Variants in ABCG2 observed in about 807,000 individuals in gnomAD.
The protein encoded by ABCG2 is ATP binding cassette subfamily G member 2 (JR blood group).
ABCG2 carries 80 observed loss-of-function variants against 73.5 expected under a neutral mutation model. That is an observed-to-expected ratio of 1.09 (90% confidence interval 0.91 to 1.31). ABCG2 has a LOEUF of 1.31. ABCG2 is among the 50% of genes most tolerant of loss of function. ABCG2 has a pLI of 0.00. For missense variants in ABCG2, 796 were observed against 786.2 expected, an observed-to-expected ratio of 1.01 and a Z score of -0.15; for synonymous variants, 269 against 282.4, an observed-to-expected ratio of 0.95 and a Z score of 0.48.
At chr4:88,106,903 G>A (rs1259402062) in intron 10 of ABCG2, among the ~76,000 whole-genome samples, 3 of 152,134 alleles carry the variant, frequency 2.0e-5, no homozygotes, top group South Asian at 2.1e-4. Context: ...TTAGCTGGGC[G>A]TGGTGGTGGA....
upstream of ABCG2, among the ~76,000 whole-genome samples, chr4:88,163,380 T>A (rs1441333380): frequency 6.6e-6 from 1 of 152,108 alleles, no homozygotes; most frequent in African/African-American, 2.4e-5. Flanking sequence ...TCAGAGAAAA[T>A]ATTCATTTGG....
intron 1 of ABCG2, among the ~76,000 whole-genome samples, chr4:88,207,699 T>A (rs1729433420): frequency 6.6e-6 from 1 of 152,020 alleles, no homozygotes; most frequent in Admixed American, 6.6e-5. Flanking sequence ...CATGCCCCAG[T>A]ATACCTGGCT....
At chr4:88,225,416 T>C (rs938219251) in intron 1 of ABCG2, among the ~76,000 whole-genome samples, 2 of 152,130 alleles carry the variant, frequency 1.3e-5, no homozygotes, top group African/African-American at 4.8e-5. Flanking sequence ...AGGAAGGCAA[T>C]GTGATAAGAA....
intron 10 of ABCG2, among the ~76,000 whole-genome samples, chr4:88,103,697 G>A (rs755521013): frequency 3.9e-5 from 6 of 152,142 alleles, no homozygotes; most frequent in Admixed American, 2.0e-4. Context: ...CTGAGGTTTT[G>A]TACCCTTTGA....
At position 88,132,655 on chromosome 4, in the gene ABCG2, C is replaced by A. The variant is rs775066870; in HGVS notation, c.204-20G>T. On this transcript the variant is annotated intron_variant, in intron 2 of 15. Transcript: ENST00000237612. ...ATCCCACTGTAAACACAAAAACAGACTGATTTACTATTCCATTTTAAGTCA... is the reference window on the plus strand; with the variant it reads ...ATCCCACTGTAAACACAAAAACAGAATGATTTACTATTCCATTTTAAGTCA... 6.2e-7 allele frequency: 1 copy of A among 1,613,770 alleles called. No homozygotes were observed. The highest frequency in any genetic ancestry group is 2.2e-5 in the East Asian group (1 of 44,882).
chr4:88,219,114 CG>C (rs1255337803), intron 1 of ABCG2, among the ~76,000 whole-genome samples: 3 of 152,198 alleles, frequency 2.0e-5, no homozygotes, highest in African/African-American at 7.2e-5. Context: ...TCCACTATCA[CG>C]GCTAATACTG....
intron 15 of ABCG2, among the ~76,000 whole-genome samples, chr4:88,093,049 C>A (rs2110167778): frequency 6.6e-6 from 1 of 152,268 alleles, no homozygotes; most frequent in African/African-American, 2.4e-5. Flanking sequence ...CCTTAAGTGG[C>A]AGCTAGAGTA....
At chr4:88,165,641 C>T (rs771892400) in intron 1 of ABCG2, among the ~76,000 whole-genome samples, 23 of 152,268 alleles carry the variant, frequency 1.5e-4, no homozygotes, top group South Asian at 1.2e-3. Flanking sequence ...TTTGGGAGGC[C>T]GAGGCGGGTG....
chr4:88,215,452 T>G (rs1433976318), intron 1 of ABCG2, among the ~76,000 whole-genome samples: 1 of 152,236 alleles, frequency 6.6e-6, no homozygotes, highest in Non-Finnish European at 1.5e-5. Flanking sequence ...AGCCATTTAC[T>G]AACTTGACTC....
chr4:88,194,548 T>TTA (rs1560749483), intron 1 of ABCG2, among the ~76,000 whole-genome samples: 2 of 16,278 alleles, frequency 1.2e-4, no homozygotes, highest in Non-Finnish European at 2.2e-4. Flanking sequence ...AGACTCCGTC[T>TTA]CAAAAAAAAA....
At chr4:88,127,316 A>C (rs28809845) in intron 5 of ABCG2, among the ~76,000 whole-genome samples, 127 of 152,358 alleles carry the variant, frequency 8.3e-4, no homozygotes, top group Non-Finnish European at 1.5e-3. Flanking sequence ...GATAGGAAGA[A>C]TCAATATCAT....
chr4:88,158,372 T>C lies in ABCG2; in HGVS notation c.-20+14A>G, dbSNP rs1040351228. On this transcript the variant is annotated intron_variant, in intron 1 of 15. Transcript: ENST00000237612. ...CACACACTCTCAGCGAAACTGGTTTTACAATTTACTCACTCAGCTTAATAG... is the reference window on the plus strand; with the variant it reads ...CACACACTCTCAGCGAAACTGGTTTCACAATTTACTCACTCAGCTTAATAG... 1.1e-4 allele frequency: 42 copies of C among 370,514 alleles called. No homozygotes were observed. The highest frequency in any genetic ancestry group is 8.3e-4 in the South Asian group (42 of 50,384). 23.0% of individuals were successfully genotyped at this position (370,514 alleles called of 1,614,324 possible).
chr4:88,226,182 T>C (rs779645455), intron 1 of ABCG2, among the ~76,000 whole-genome samples: 1 of 152,228 alleles, frequency 6.6e-6, no homozygotes, highest in Non-Finnish European at 1.5e-5. Context: ...TCTTCCTACC[T>C]GGCATCTATG....
At chr4:88,177,734 A>T (rs1015673685) in intron 1 of ABCG2, among the ~76,000 whole-genome samples, 2 of 152,160 alleles carry the variant, frequency 1.3e-5, no homozygotes, top group Non-Finnish European at 2.9e-5. Flanking sequence ...GGCAGTGGCC[A>T]CATACCATGG....
At chr4:88,194,254 A>G (rs991094843) in intron 1 of ABCG2, among the ~76,000 whole-genome samples, 6 of 152,022 alleles carry the variant, frequency 3.9e-5, no homozygotes, top group Non-Finnish European at 5.9e-5. Flanking sequence ...AACAAGACAG[A>G]AGGAGTGTGG....
Position 88,090,656 on chromosome 4 carries a change from A to G in ABCG2, c.*1578T>C, listed in dbSNP as rs1474083837. 1 of 152,218 alleles carries G rather than the reference A, an allele frequency of 6.6e-6. No individual in the cohort carries two copies. The highest frequency in any genetic ancestry group is 1.9e-4 in the East Asian group (1 of 5,204). 9.4% of individuals were successfully genotyped at this position (152,218 alleles called of 1,614,324 possible). On this transcript the variant is annotated 3_prime_UTR_variant, in exon 16 of 16. Coordinates refer to ENST00000237612, the MANE Select transcript of ABCG2 (RefSeq NM_004827.3). The stretch of plus-strand genomic sequence containing the variant: ...ATGACCAGTGTCAGGGCGTCTATAC[A>G]CCATGATGCCCCAGCTCAGTTAACT...
At chr4:88,191,129 C>T (rs937923306) in intron 1 of ABCG2, among the ~76,000 whole-genome samples, 1 of 150,378 alleles carries the variant, frequency 6.6e-6, no homozygotes, top group Non-Finnish European at 1.5e-5. Flanking sequence ...CCTGTAGTCC[C>T]AGCTATTCGG....
At position 88,091,116 on chromosome 4, in the gene ABCG2, A is replaced by G. The variant is rs1253908649; in HGVS notation, c.*1118T>C. 1 of 152,224 alleles carries G rather than the reference A, an allele frequency of 6.6e-6. No individual in the cohort carries two copies. Among genetic ancestry groups the G allele is most frequent in the Non-Finnish European group, 1.5e-5 (1 of 68,048 alleles). The allele number at this position is 152,224 out of a possible 1,614,324, so 9.4% of individuals were successfully genotyped here. A position where few individuals can be genotyped will look rare whatever the true frequency, so the allele number is the denominator to read the frequency against. On this transcript the variant is annotated 3_prime_UTR_variant, in exon 16 of 16. Coordinates refer to ENST00000237612, the MANE Select transcript of ABCG2 (RefSeq NM_004827.3). ...AAAAATAACCCAGGGGTAAGGAAGG[A>G]AGTAGTGACTGGGAGAATGGCTGAG...
At chr4:88,092,957 A>T (rs946954444) in intron 15 of ABCG2, among the ~76,000 whole-genome samples, 3 of 152,206 alleles carry the variant, frequency 2.0e-5, no homozygotes, top group Non-Finnish European at 4.4e-5. Flanking sequence ...ATGTTCTGTC[A>T]GCTCTTGCAC....
Sources: allele counts gnomAD v4.1 joint callset (sites outside exome capture counted in the v4.1 genomes callset), GRCh38; gene constraint gnomAD v4.1.1; transcripts MANE v1.5; gene names NCBI Gene and HGNC (gene_info 2026-07-23, HGNC 2026-07-21).